The following CACNB2 variants were observed in gnomAD, a reference collection of about 807,000 sequenced individuals.
CACNB2 encodes the protein calcium voltage-gated channel auxiliary subunit beta 2, also known as voltage-dependent L-type calcium channel subunit beta-2.
A neutral mutation model predicts 73.3 loss-of-function variants in CACNB2; 42 were observed. That is an observed-to-expected ratio of 0.57 (90% CI 0.45 to 0.74). The LOEUF is 0.74. CACNB2 is among the 30% of genes least tolerant of loss of function. The probability of loss-of-function intolerance (pLI) is 0.00; values close to 1 mark genes in which losing one functional copy is unlikely to be tolerated. For missense variants in CACNB2, 940 were observed against 853.0 expected (o/e 1.10, Z -1.27); for synonymous variants, 348 against 310.3 (o/e 1.12, Z -1.28).
chr10:18,172,587 C>T (rs1242228549), intron 2 of CACNB2, among the ~76,000 whole-genome samples: 2 of 152,132 alleles, frequency 1.3e-5, no homozygotes, highest in Admixed American at 6.6e-5. Context: ...GTGGCAGAGA[C>T]TGGATGTGAA....
intron 2 of CACNB2, among the ~76,000 whole-genome samples, chr10:18,277,670 C>T (rs947904149): frequency 2.0e-5 from 3 of 152,146 alleles, no homozygotes; most frequent in Non-Finnish European, 4.4e-5. Context: ...TAATCTTCAG[C>T]TTAACAATGT....
At chr10:18,488,257 C>T (rs190097206) in intron 3 of CACNB2, among the ~76,000 whole-genome samples, 106 of 151,098 alleles carry the variant, frequency 7.0e-4, no homozygotes, top group African/African-American at 2.3e-3. Flanking sequence ...GGGCGGATCA[C>T]GAGGTCAGGA....
At chr10:18,413,744 G>A (rs1184780004) in intron 3 of CACNB2, among the ~76,000 whole-genome samples, 2 of 152,188 alleles carry the variant, frequency 1.3e-5, no homozygotes, top group Non-Finnish European at 2.9e-5. Context: ...TAAATTACAG[G>A]TGAAGCTAAG....
At position 18,164,175 on chromosome 10, in the gene CACNB2, T is replaced by C. The variant is rs1008745385; in HGVS notation, c.213+13200T>C. ...CAATGTAAACAGGTTTTCTACTAGA[T>C]GTCAATTGAAGGTCACAGGGTTTAG... On this transcript the variant is annotated intron_variant, in intron 2 of 13. Transcript: ENST00000324631. 1.6e-4 allele frequency among the ~76,000 whole-genome samples: 24 copies of C among 152,352 alleles called. 1 individual carries two copies. Among genetic ancestry groups the C allele is most frequent in the African/African-American group, 5.3e-4 (22 of 41,580 alleles).
At chr10:18,500,102 C>T (rs2050112315) in intron 4 of CACNB2, among the ~76,000 whole-genome samples, 1 of 152,090 alleles carries the variant, frequency 6.6e-6, no homozygotes, top group South Asian at 2.1e-4. Flanking sequence ...CACTTTACAC[C>T]AGGAAGTTAG....
Position 18,297,110 on chromosome 10 carries a change from T to C in CACNB2, c.214-104814T>C, listed in dbSNP as rs140243929. Among the ~76,000 whole-genome samples, 617 of 152,352 alleles carry C rather than the reference T, an allele frequency of 4.0e-3. 2 individuals carry two copies. Among genetic ancestry groups the C allele is most frequent in the Middle Eastern group, 0.02 (6 of 294 alleles). ...GCTATAACATGAATTCGGGGATTTA[T>C]CGTCTTGTATCTACTAGACACCATG... On this transcript the variant is annotated intron_variant, in intron 2 of 13. Coordinates refer to ENST00000324631, the MANE Select transcript of CACNB2 (RefSeq NM_201596.3).
At chr10:18,261,016 A>G (rs971063675) in intron 2 of CACNB2, 6 of 1,394,056 alleles carry the variant, frequency 4.3e-6, no homozygotes, top group Non-Finnish European at 4.6e-6. Context: ...CAAATAGGAA[A>G]CCCCCTTGAA....
intron 2 of CACNB2, among the ~76,000 whole-genome samples, chr10:18,302,105 A>T (rs948802262): frequency 6.6e-6 from 1 of 152,164 alleles, no homozygotes; most frequent in African/African-American, 2.4e-5. Flanking sequence ...ATAGTAATTG[A>T]TTTATCAAAA....
intron 4 of CACNB2, among the ~76,000 whole-genome samples, chr10:18,499,351 C>T (rs11014515): frequency 5.3e-5 from 8 of 152,156 alleles, no homozygotes; most frequent in East Asian, 1.9e-4. Context: ...GGCCCGGTGG[C>T]TCATGCCTGT....
intron 2 of CACNB2, among the ~76,000 whole-genome samples, chr10:18,272,189 A>G (rs773047203): frequency 5.9e-5 from 9 of 152,146 alleles, no homozygotes; most frequent in East Asian, 3.9e-4. Context: ...TAGCTATTCG[A>G]AAGAGTGGAT....
At chr10:18,234,209 G>A (rs1278185854) in intron 2 of CACNB2, 1 of 152,296 alleles carries the variant, frequency 6.6e-6, no homozygotes, top group Non-Finnish European at 1.5e-5. Flanking sequence ...CGTCTCTGAT[G>A]TGCTTTGTGC....
intron 2 of CACNB2, among the ~76,000 whole-genome samples, chr10:18,300,889 A>G (rs961884401): frequency 6.6e-6 from 1 of 152,130 alleles, no homozygotes; most frequent in Non-Finnish European, 1.5e-5. Context: ...ATCAACAATG[A>G]TGCATTGACT....
At chr10:18,164,646 A>G (rs2032715240) in intron 2 of CACNB2, among the ~76,000 whole-genome samples, 1 of 151,896 alleles carries the variant, frequency 6.6e-6, no homozygotes, top group Admixed American at 6.6e-5. Context: ...CAAACGAGAT[A>G]AACTGTATAA....
intron 3 of CACNB2, among the ~76,000 whole-genome samples, chr10:18,487,908 C>A (rs1015188132): frequency 6.6e-6 from 1 of 151,560 alleles, no homozygotes; most frequent in Non-Finnish European, 1.5e-5. Context: ...CACCAAGGAC[C>A]CTGCACAGGA....
At chr10:18,280,601 G>T (rs139119915) in intron 2 of CACNB2, among the ~76,000 whole-genome samples, 353 of 152,248 alleles carry the variant, frequency 2.3e-3, no homozygotes, top group Non-Finnish European at 4.2e-3. Flanking sequence ...TCATCCTTTG[G>T]CCTGGGCTTT....
chr10:18,200,733 T>C (rs538561565), intron 2 of CACNB2, among the ~76,000 whole-genome samples: 1 of 152,296 alleles, frequency 6.6e-6, no homozygotes, highest in East Asian at 1.9e-4. Flanking sequence ...CTTCATCAAA[T>C]TTATTCACTT....
intron 2 of CACNB2, among the ~76,000 whole-genome samples, chr10:18,372,058 T>G (rs1490112445): frequency 3.9e-5 from 6 of 152,242 alleles, no homozygotes; most frequent in Non-Finnish European, 8.8e-5. Flanking sequence ...TTGTTTGTTT[T>G]TTTCTTGTAA....
rs556201689 is a variant in CACNB2 at position 18,346,006 on chromosome 10, T to C, written c.214-55918T>C. ...GTCAGGGGCAGCACAAGCCAACATATCATCACATTTCTGTTGTTTCAGGGC... is the reference window on the plus strand; with the variant it reads ...GTCAGGGGCAGCACAAGCCAACATACCATCACATTTCTGTTGTTTCAGGGC... On this transcript the variant is annotated intron_variant, in intron 2 of 13. Coordinates refer to ENST00000324631, the MANE Select transcript of CACNB2 (RefSeq NM_201596.3). Among the ~76,000 whole-genome samples, 11 of 152,290 alleles carry C rather than the reference T, an allele frequency of 7.2e-5. No individual in the cohort carries two copies. The South Asian group carries it at 2.3e-3, about 32-fold the overall frequency.
chr10:18,526,780 A>G (rs1173922872), intron 9 of CACNB2, among the ~76,000 whole-genome samples: 1 of 152,158 alleles, frequency 6.6e-6, no homozygotes, highest in African/African-American at 2.4e-5. Flanking sequence ...TATCTCTGCC[A>G]CTAGACCATT....
Sources: allele counts gnomAD v4.1 joint callset (sites outside exome capture counted in the v4.1 genomes callset), GRCh38; gene constraint gnomAD v4.1.1; transcripts MANE v1.5; gene names NCBI Gene and HGNC (gene_info 2026-07-23, HGNC 2026-07-21).